Variants in ATIC observed in about 807,000 individuals in gnomAD.
ATIC encodes the protein 5-aminoimidazole-4-carboxamide ribonucleotide formyltransferase/IMP cyclohydrolase.
A neutral mutation model predicts 72.5 loss-of-function variants in ATIC; 64 were observed. The observed-to-expected ratio is 0.88, with a 90% CI of 0.72 to 1.09. The LOEUF (loss-of-function observed/expected upper bound fraction) is 1.09, where lower values mean the gene tolerates loss of function less well. ATIC is among the 50% of genes least tolerant of loss of function. ATIC has a pLI of 0.00. For missense variants in ATIC, 787 were observed against 732.4 expected (o/e 1.07, Z -0.86); for synonymous variants, 281 against 267.1 (o/e 1.05, Z -0.51).
At chr2:215,332,680 CAG>C (rs1237163028) in intron 8 of ATIC, among the ~76,000 whole-genome samples, 173 bp downstream of exon 8, 3 of 152,050 alleles carry the variant, frequency 2.0e-5, no homozygotes, top group Non-Finnish European at 4.4e-5. Context: ...CACACACACA[CAG>C]AATTGTGTAA....
At chr2:215,358,836 A>G in the ATIC span, among the ~76,000 whole-genome samples, 2 of 152,226 alleles carry the variant, frequency 1.3e-5, no homozygotes, top group Non-Finnish European at 2.9e-5. Flanking sequence ...GGGGCTTGCT[A>G]TCCATTTAGT....
chr2:215,364,993 T>G, the ATIC span: 1 of 1,530,042 alleles, frequency 6.5e-7, no homozygotes, highest in Non-Finnish European at 8.9e-7. Flanking sequence ...CATCTGCATA[T>G]AGACACAAGA....
chr2:215,312,463 C>A, intron 1 of ATIC, 35 bp from the exon 2 acceptor site: 2 of 1,614,214 alleles, frequency 1.2e-6, no homozygotes, highest in Non-Finnish European at 1.7e-6. Flanking sequence ...GTGCAATGTG[C>A]TGCGAATCAT....
At position 215,326,885 on chromosome 2, in the gene ATIC, A is replaced by G. The variant is rs140159793; in HGVS notation, c.595A>G (p.Lys199Glu). Residue 199 changes from lysine (K) to glutamate (E), a missense_variant, in exon 7 of 16, where the codon AAA (lysine) becomes GAA (glutamate). Coordinates refer to ENST00000236959, the MANE Select transcript of ATIC (RefSeq NM_004044.7). The stretch of plus-strand genomic sequence containing the variant: ...AGATTATTTCAGGAAACAGTACAGC[A>G]AAGGCGTATCTCAGATGCCCTTGAG... ...ISDYFRKQYS[K>E]GVSQMPLRYG... is the part of the protein sequence containing the mutation. 366 of 1,614,198 alleles carry G rather than the reference A, an allele frequency of 2.3e-4. 2 individuals carry two copies. In the East Asian group the frequency reaches 7.6e-3, roughly 33 times the overall value.
the ATIC span, chr2:215,364,230 C>T: frequency 2.9e-5 from 5 of 169,800 alleles, no homozygotes; most frequent in Non-Finnish European, 5.2e-5. Flanking sequence ...TAGCACAGTG[C>T]TAGACCTATA....
At chr2:215,327,072 A>AT (rs2052836595) in intron 7 of ATIC, 94 bp downstream of exon 7, 1 of 1,579,394 alleles carries the variant, frequency 6.3e-7, no homozygotes, top group Non-Finnish European at 8.7e-7. Context: ...TCAGAAGATG[A>AT]TACATTCCGT....
chr2:215,342,872 G>A (rs1417079719), intron 12 of ATIC, among the ~76,000 whole-genome samples: 1 of 152,140 alleles, frequency 6.6e-6, no homozygotes, highest in Non-Finnish European at 1.5e-5. Flanking sequence ...TAGAGACGGG[G>A]TTTCACCATG....
At chr2:215,320,231 A>C (rs1472942954) in intron 4 of ATIC, among the ~76,000 whole-genome samples, 1 of 152,178 alleles carries the variant, frequency 6.6e-6, no homozygotes, top group Non-Finnish European at 1.5e-5. Context: ...AATATACGTA[A>C]CAGCTTTATT....
the ATIC span, among the ~76,000 whole-genome samples, chr2:215,354,915 A>T: frequency 6.6e-6 from 1 of 151,932 alleles, no homozygotes; most frequent in Non-Finnish European, 1.5e-5. Flanking sequence ...ACTCCTCGCC[A>T]GCCCCAAGGG....
chr2:215,320,274 A>G (rs542236175), intron 4 of ATIC, among the ~76,000 whole-genome samples: 1 of 152,320 alleles, frequency 6.6e-6, no homozygotes, highest in African/African-American at 2.4e-5. Context: ...CAACTCACCA[A>G]TTTAAAATGT....
At chr2:215,320,446 G>A (rs1172182282) in intron 4 of ATIC, among the ~76,000 whole-genome samples, 1 of 152,134 alleles carries the variant, frequency 6.6e-6, no homozygotes, top group Admixed American at 6.6e-5. Flanking sequence ...ATCAACTTCT[G>A]GTGAGGGCCT....
intron 7 of ATIC, among the ~76,000 whole-genome samples, chr2:215,330,675 C>T (rs1406968460): frequency 6.6e-6 from 1 of 152,068 alleles, no homozygotes; most frequent in Non-Finnish European, 1.5e-5. Flanking sequence ...TCCCTTCTCC[C>T]CAACCCTTTG....
At chr2:215,321,949 G>C (rs2052772040) in intron 4 of ATIC, among the ~76,000 whole-genome samples, 1 of 152,100 alleles carries the variant, frequency 6.6e-6, no homozygotes, top group African/African-American at 2.4e-5. Flanking sequence ...TCTCGCCCAG[G>C]CTGGAGCACA....
At chr2:215,318,048 GT>G in intron 2 of ATIC, 108 bp from the exon 3 acceptor site, 1 of 1,002,890 alleles carries the variant, frequency 1.0e-6, no homozygotes, top group Non-Finnish European at 1.6e-6. Flanking sequence ...GAATTTTCAC[GT>G]TGAATTCAGG....
At chr2:215,322,852 C>G (rs1385314491) in intron 4 of ATIC, among the ~76,000 whole-genome samples, 1 of 152,164 alleles carries the variant, frequency 6.6e-6, no homozygotes, top group Non-Finnish European at 1.5e-5. Context: ...TATGCCAGTA[C>G]TACACTATTA....
intron 8 of ATIC, 95 bp downstream of exon 8, chr2:215,332,602 A>G: frequency 6.8e-7 from 1 of 1,476,278 alleles, no homozygotes; most frequent in Non-Finnish European, 9.1e-7. Flanking sequence ...GTGAATATAG[A>G]CATGCTATGA....
At chr2:215,335,321 C>G (rs938920150) in intron 10 of ATIC, among the ~76,000 whole-genome samples, 5 of 151,984 alleles carry the variant, frequency 3.3e-5, no homozygotes, top group Non-Finnish European at 5.9e-5. Context: ...GGTGGTGATG[C>G]GATATAATCC....
At chr2:215,350,431 C>T (rs1187783657), downstream of ATIC, among the ~76,000 whole-genome samples, 4 of 152,118 alleles carry the variant, frequency 2.6e-5, no homozygotes, top group African/African-American at 9.7e-5. Context: ...CCGTGCCCGG[C>T]CCTCATGCCA....
Position 215,312,112 on chromosome 2 carries a change from C to T in ATIC, c.-31C>T. 5 of 1,530,588 alleles carry T rather than the reference C, an allele frequency of 3.3e-6. No individual in the cohort carries two copies. Among genetic ancestry groups the T allele is most frequent in the South Asian group, 1.2e-5 (1 of 83,260 alleles). 94.8% of individuals were successfully genotyped at this position (1,530,588 alleles called of 1,614,324 possible). A position where few individuals can be genotyped will look rare whatever the true frequency, so the allele number is the denominator to read the frequency against. ...GCACGTGGTGCCGCCGCTGCTGCCT[C>T]CCGCTCGCCCTGAACCCAGTGCCTG... On this transcript the variant is annotated 5_prime_UTR_variant, in exon 1 of 16. Coordinates refer to ENST00000236959, the MANE Select transcript of ATIC (RefSeq NM_004044.7).
Sources: gnomAD v4.1 joint callset for allele counts (sites outside exome capture counted in the v4.1 genomes callset) on GRCh38, gnomAD v4.1.1 for gene constraint, MANE v1.5 for transcripts, NCBI Gene and HGNC (gene_info 2026-07-23, HGNC 2026-07-21) for gene names.